The following ROBO2 variants were observed in gnomAD, a reference collection of about 807,000 sequenced individuals.
ROBO2 encodes roundabout homolog 2.
Under a neutral mutation model 160.8 loss-of-function variants are expected in ROBO2, and 53 were observed. The observed-to-expected ratio is 0.33, with a 90% CI of 0.26 to 0.41. ROBO2 has a LOEUF of 0.41. ROBO2 is among the 10% of genes least tolerant of loss of function. The probability of loss-of-function intolerance (pLI) is 1.00; values close to 1 mark genes in which losing one functional copy is unlikely to be tolerated. For synonymous variants in ROBO2, 664 were observed against 611.7 expected (o/e 1.09, Z -1.26); for missense variants, 1,577 against 1,722.4 (o/e 0.92, Z 1.49).
intron 2 of ROBO2, among the ~76,000 whole-genome samples, chr3:76,583,084 G>A (rs987871592): frequency 4.0e-5 from 6 of 151,588 alleles, no homozygotes; most frequent in Non-Finnish European, 5.9e-5. Context: ...GTACGGAACC[G>A]AGCTGCAGGC....
intron 2 of ROBO2, among the ~76,000 whole-genome samples, chr3:76,436,555 CT>C (rs914999738): frequency 1.1e-3 from 170 of 148,880 alleles, no homozygotes; most frequent in African/African-American, 3.7e-3. Flanking sequence ...AAATAGGCAA[CT>C]TTTTTTTTTG....
chr3:76,247,168 T>A (rs1006101168), intron 2 of ROBO2, among the ~76,000 whole-genome samples: 1 of 152,166 alleles, frequency 6.6e-6, no homozygotes, highest in Non-Finnish European at 1.5e-5. Context: ...TTCCATTCCT[T>A]GTTACTTAGA....
chr3:76,541,709 T>C (rs1186101156), intron 2 of ROBO2, among the ~76,000 whole-genome samples: 1 of 152,182 alleles, frequency 6.6e-6, no homozygotes, highest in African/African-American at 2.4e-5. Context: ...GTGTAAGTAG[T>C]TGGGAAGGTA....
intron 2 of ROBO2, among the ~76,000 whole-genome samples, chr3:76,192,076 T>G (rs996168856): frequency 2.0e-5 from 3 of 151,986 alleles, no homozygotes; most frequent in Non-Finnish European, 4.4e-5. Context: ...AATCCCGCTA[T>G]TTCCCTAGTT....
At chr3:76,925,696 G>A (rs1413617528) in intron 2 of ROBO2, among the ~76,000 whole-genome samples, 1 of 152,128 alleles carries the variant, frequency 6.6e-6, no homozygotes, top group Non-Finnish European at 1.5e-5. Flanking sequence ...AGCTGAGAGT[G>A]CCGCTTACAC....
At chr3:76,994,817 A>G (rs955475441) in intron 2 of ROBO2, among the ~76,000 whole-genome samples, 1 of 152,190 alleles carries the variant, frequency 6.6e-6, no homozygotes, top group Non-Finnish European at 1.5e-5. Flanking sequence ...TCTGCATTTC[A>G]CCAACAACTA....
intron 2 of ROBO2, among the ~76,000 whole-genome samples, chr3:76,282,756 C>G (rs1392483901): frequency 6.6e-6 from 1 of 151,816 alleles, no homozygotes. Flanking sequence ...TTCCAAGCCT[C>G]CCAGCAACAG....
At chr3:76,665,895 A>G (rs1214755758) in intron 2 of ROBO2, among the ~76,000 whole-genome samples, 1 of 119,728 alleles carries the variant, frequency 8.4e-6, no homozygotes, top group Non-Finnish European at 1.8e-5. Context: ...TAATATATAC[A>G]TATTATATAT....
chr3:77,493,170 C>G lies in ROBO2; in HGVS notation c.668-74C>G, dbSNP rs995432258. 7.2e-6 allele frequency: 11 copies of G among 1,538,090 alleles called. No homozygotes were observed. In the African/African-American group the frequency reaches 1.5e-4, roughly 21 times the overall value. On this transcript the variant is annotated intron_variant, in intron 4 of 25. Transcript: ENST00000461745. ...CCAAAAGTAAATTAGGTTTCCTTTG[C>G]TTTTTTCATAATGTACTTAAAGCAT...
chr3:76,938,849 T>G (rs1046583530), intron 2 of ROBO2, among the ~76,000 whole-genome samples: 1 of 151,906 alleles, frequency 6.6e-6, no homozygotes, highest in African/African-American at 2.4e-5. Context: ...CGCATGCCTG[T>G]AATCCCAGCT....
chr3:76,029,302 A>G (rs2066842136), intron 2 of ROBO2, among the ~76,000 whole-genome samples: 2 of 152,020 alleles, frequency 1.3e-5, no homozygotes. Context: ...TTCAGAAAAA[A>G]CATGGTATTA....
intron 2 of ROBO2, among the ~76,000 whole-genome samples, chr3:77,233,091 A>G (rs572835870): frequency 1.3e-5 from 2 of 152,270 alleles, no homozygotes; most frequent in African/African-American, 4.8e-5. Flanking sequence ...GCTAAAGGGG[A>G]AAAAAGTCCA....
At chr3:76,513,504 C>T (rs1320944601) in intron 2 of ROBO2, among the ~76,000 whole-genome samples, 1 of 152,140 alleles carries the variant, frequency 6.6e-6, no homozygotes, top group African/African-American at 2.4e-5. Flanking sequence ...TACAGGCTCA[C>T]ACCACCACGC....
intron 2 of ROBO2, among the ~76,000 whole-genome samples, chr3:76,580,342 G>GTTTTTTTTTTGTTTTTTTTTTTTTTTTT (rs2085604163): frequency 1.1e-5 from 1 of 90,562 alleles, no homozygotes; most frequent in Non-Finnish European, 2.1e-5. Context: ...TTTTTTTTGT[G>GTTTTTTTTTTGTTTTTTTTTTTTTTTTT]TTTTTTTTTT....
At chr3:77,486,389 A>T (rs976874626) in intron 4 of ROBO2, among the ~76,000 whole-genome samples, 1 of 152,308 alleles carries the variant, frequency 6.6e-6, no homozygotes, top group Admixed American at 6.5e-5. Flanking sequence ...CCAACTGTGT[A>T]AAAGCATTCC....
At chr3:76,330,835 A>G (rs2073428925) in intron 2 of ROBO2, among the ~76,000 whole-genome samples, 1 of 152,252 alleles carries the variant, frequency 6.6e-6, no homozygotes, top group Non-Finnish European at 1.5e-5. Flanking sequence ...TTCATGACAT[A>G]TTAAAGCAGT....
intron 17 of ROBO2, among the ~76,000 whole-genome samples, chr3:77,590,986 G>A (rs2094167108): frequency 6.6e-6 from 1 of 152,056 alleles, no homozygotes; most frequent in Non-Finnish European, 1.5e-5. Flanking sequence ...GGCCAAGCCA[G>A]AGAGAAGCCT....
chr3:76,298,183 G>A (rs1283648094), intron 2 of ROBO2, among the ~76,000 whole-genome samples: 1 of 152,156 alleles, frequency 6.6e-6, no homozygotes, highest in Non-Finnish European at 1.5e-5. Flanking sequence ...GCAAAATGTA[G>A]TGACTATTCT....
At chr3:76,966,363 A>T (rs2059294434) in intron 2 of ROBO2, among the ~76,000 whole-genome samples, 1 of 152,122 alleles carries the variant, frequency 6.6e-6, no homozygotes, top group Admixed American at 6.5e-5. Context: ...CTGTTATTTC[A>T]TTTTTTCCAC....
Sources: gnomAD v4.1 joint callset for allele counts (sites outside exome capture counted in the v4.1 genomes callset) on GRCh38, gnomAD v4.1.1 for gene constraint, MANE v1.5 for transcripts, NCBI Gene and HGNC (gene_info 2026-07-23, HGNC 2026-07-21) for gene names.